Variants in GRIN2A observed in about 807,000 individuals in gnomAD.
GRIN2A encodes glutamate ionotropic receptor NMDA type subunit 2A.
Under a neutral mutation model 113.4 loss-of-function variants are expected in GRIN2A, and 22 were observed. The observed-to-expected ratio is 0.19, with a 90% CI of 0.14 to 0.28. GRIN2A has a LOEUF of 0.28. Among genes scored for constraint, GRIN2A ranks in the 10% least tolerant of loss-of-function variants. The probability of loss-of-function intolerance (pLI) is 1.00; values close to 1 mark genes in which losing one functional copy is unlikely to be tolerated. For synonymous variants in GRIN2A, 827 were observed against 738.4 expected (o/e 1.12, Z -1.94); for missense variants, 1,502 against 1,887.0 (o/e 0.80, Z 3.78).
chr16:9,800,364 A>T (rs1034643658), intron 10 of GRIN2A, among the ~76,000 whole-genome samples: 4 of 152,174 alleles, frequency 2.6e-5, no homozygotes, highest in African/African-American at 9.7e-5. Context: ...GAATGTCTCA[A>T]CTCTAAAATG....
At chr16:10,049,455 G>A (rs2047318246) in intron 2 of GRIN2A, among the ~76,000 whole-genome samples, 2 of 151,584 alleles carry the variant, frequency 1.3e-5, no homozygotes, top group South Asian at 2.1e-4. Flanking sequence ...TCGGCTCACT[G>A]TAACCTCCGC....
chr16:10,090,139 T>G (rs1159571749), intron 2 of GRIN2A, among the ~76,000 whole-genome samples: 1 of 152,220 alleles, frequency 6.6e-6, no homozygotes, highest in Non-Finnish European at 1.5e-5. Flanking sequence ...TACTGGTCTC[T>G]GTCCCCTATA....
At chr16:9,769,919 AC>A (rs1366884183) in intron 11 of GRIN2A, among the ~76,000 whole-genome samples, 3 of 152,162 alleles carry the variant, frequency 2.0e-5, no homozygotes, top group African/African-American at 7.2e-5. Context: ...AGGGCACAAA[AC>A]TTTAATTGAA....
intron 2 of GRIN2A, among the ~76,000 whole-genome samples, chr16:9,976,876 C>A (rs947856323): frequency 6.6e-6 from 1 of 152,134 alleles, no homozygotes; most frequent in Non-Finnish European, 1.5e-5. Flanking sequence ...ATCTGAGAAC[C>A]AAGTCGTACC....
intron 2 of GRIN2A, among the ~76,000 whole-genome samples, chr16:9,981,666 C>G (rs1225014118): frequency 2.0e-5 from 3 of 152,148 alleles, no homozygotes; most frequent in Non-Finnish European, 4.4e-5. Context: ...TTACCTTAAT[C>G]CTTAATATTA....
chr16:10,123,322 G>A (rs915712670), intron 2 of GRIN2A, among the ~76,000 whole-genome samples: 1 of 152,132 alleles, frequency 6.6e-6, no homozygotes, highest in Non-Finnish European at 1.5e-5. Flanking sequence ...ACATCCTGCA[G>A]GCTGAAGCAG....
Position 10,087,165 on chromosome 16 carries a change from A to C in GRIN2A, c.414+92833T>G, listed in dbSNP as rs115450715. On this transcript the variant is annotated intron_variant, in intron 2 of 12. Coordinates refer to ENST00000330684, the MANE Select transcript of GRIN2A (RefSeq NM_001134407.3). ...AATACACAGCACTGGGGAGAAAGTT[A>C]ACCTCTCTGAGCCTCAGTTTCCACA... Among the ~76,000 whole-genome samples, 1,457 of 152,366 alleles carry C rather than the reference A, an allele frequency of 9.6e-3. 19 individuals carry two copies. The highest frequency in any genetic ancestry group is 0.033 in the African/African-American group (1,364 of 41,584).
At chr16:9,784,118 C>T (rs1356640277) in intron 11 of GRIN2A, among the ~76,000 whole-genome samples, 2 of 152,112 alleles carry the variant, frequency 1.3e-5, no homozygotes, top group Admixed American at 6.6e-5. Context: ...CCATGAACTT[C>T]CAACAAAAGT....
chr16:10,174,327 G>A (rs967343309), intron 2 of GRIN2A, among the ~76,000 whole-genome samples: 5 of 152,216 alleles, frequency 3.3e-5, no homozygotes, highest in African/African-American at 1.2e-4. Context: ...AGAATGGGAA[G>A]AGAGTACAAA....
chr16:9,939,584 G>A lies in GRIN2A; in HGVS notation c.415-1033C>T, dbSNP rs1418849564. ...CATACAGTGGTACAATATACAAACTGCCTTCATACCCCCTAACTCATCAAA... is the reference window on the plus strand; with the variant it reads ...CATACAGTGGTACAATATACAAACTACCTTCATACCCCCTAACTCATCAAA... On this transcript the variant is annotated intron_variant, in intron 2 of 12. Coordinates refer to ENST00000330684, the MANE Select transcript of GRIN2A (RefSeq NM_001134407.3). Among the ~76,000 whole-genome samples the A allele has an allele frequency of 2.6e-5, 4 of 152,142 alleles. No individual in the cohort carries two copies. In the East Asian group the frequency reaches 7.7e-4, roughly 29 times the overall value.
At chr16:10,043,832 CT>C (rs919863085) in intron 2 of GRIN2A, among the ~76,000 whole-genome samples, 2 of 151,936 alleles carry the variant, frequency 1.3e-5, no homozygotes, top group Admixed American at 6.6e-5. Flanking sequence ...TTAATATACA[CT>C]TGCCCACTGC....
intron 2 of GRIN2A, among the ~76,000 whole-genome samples, chr16:10,084,019 T>C (rs939775931): frequency 3.9e-5 from 6 of 152,178 alleles, no homozygotes; most frequent in African/African-American, 1.4e-4. Flanking sequence ...GAGGGTCGCC[T>C]GGACCCAGGA....
At chr16:10,095,627 T>G (rs570154561) in intron 2 of GRIN2A, among the ~76,000 whole-genome samples, 3 of 152,280 alleles carry the variant, frequency 2.0e-5, no homozygotes, top group South Asian at 4.1e-4. Flanking sequence ...AGGAGCTACA[T>G]TGAAAGTGTA....
At chr16:10,099,222 A>C (rs924878236) in intron 2 of GRIN2A, among the ~76,000 whole-genome samples, 1 of 152,166 alleles carries the variant, frequency 6.6e-6, no homozygotes, top group African/African-American at 2.4e-5. Context: ...TCAACTCCCT[A>C]TTTTGGATGA....
chr16:9,944,763 C>G (rs957685882), intron 2 of GRIN2A, among the ~76,000 whole-genome samples: 3 of 152,246 alleles, frequency 2.0e-5, no homozygotes, highest in African/African-American at 4.8e-5. Flanking sequence ...AAGCATCCCC[C>G]CTAGAGTGCA....
intron 2 of GRIN2A, among the ~76,000 whole-genome samples, chr16:10,106,842 G>A (rs1031106952): frequency 3.3e-5 from 5 of 152,182 alleles, no homozygotes; most frequent in Admixed American, 3.3e-4. Flanking sequence ...AGAGAAGGAA[G>A]GCAGGGAAGC....
chr16:9,772,703 T>G (rs573578912), intron 11 of GRIN2A, among the ~76,000 whole-genome samples: 1 of 152,170 alleles, frequency 6.6e-6, no homozygotes, highest in East Asian at 1.9e-4. Context: ...GACACAAAAA[T>G]GGGTCTTCTC....
rs961914504 is a variant in GRIN2A at position 9,864,702 on chromosome 16, G to T, written c.1123-14741C>A. ...TGTGTCTGCAGAGTTTTGCAATAAGGTTACAGAACCTGGAGGTATCAATCA... is the reference window on the plus strand; with the variant it reads ...TGTGTCTGCAGAGTTTTGCAATAAGTTTACAGAACCTGGAGGTATCAATCA... On this transcript the variant is annotated intron_variant, in intron 4 of 12. Transcript: ENST00000330684. Among the ~76,000 whole-genome samples the T allele has an allele frequency of 6.6e-5, 10 of 152,126 alleles. No homozygotes were observed. The South Asian group carries it at 8.3e-4, about 13-fold the overall frequency.
At chr16:10,152,205 G>A (rs973040843) in intron 2 of GRIN2A, among the ~76,000 whole-genome samples, 11 of 152,222 alleles carry the variant, frequency 7.2e-5, no homozygotes, top group African/African-American at 2.4e-4. Flanking sequence ...AATGTGGCTA[G>A]TGCCATTTCC....
Sources: allele counts gnomAD v4.1 joint callset (sites outside exome capture counted in the v4.1 genomes callset), GRCh38; gene constraint gnomAD v4.1.1; transcripts MANE v1.5; gene names NCBI Gene and HGNC (gene_info 2026-07-23, HGNC 2026-07-21).